The following TENT4A variants were observed in gnomAD, a reference collection of about 807,000 sequenced individuals.
TENT4A encodes DNA polymerase kappa.
A neutral mutation model predicts 72.8 loss-of-function variants in TENT4A; 7 were observed. The ratio of observed to expected loss-of-function variants is 0.10; its 90% CI spans 0.05 to 0.18. The LOEUF (loss-of-function observed/expected upper bound fraction) is 0.18. TENT4A is among the 10% of genes least tolerant of loss of function. TENT4A has a pLI of 1.00. For missense variants in TENT4A, 831 were observed against 1,017.7 expected (o/e 0.82, Z 2.50); for synonymous variants, 456 against 434.3 (o/e 1.05, Z -0.62).
intron 1 of TENT4A, among the ~76,000 whole-genome samples, chr5:6,729,869 G>A (rs1285385847): frequency 6.6e-6 from 1 of 152,132 alleles, no homozygotes; most frequent in Non-Finnish European, 1.5e-5. Flanking sequence ...GGGTGGTTCT[G>A]AGTAGTTCTG....
chr5:6,735,687 G>T (rs1418532030), intron 1 of TENT4A, among the ~76,000 whole-genome samples: 1 of 151,898 alleles, frequency 6.6e-6, no homozygotes, highest in Non-Finnish European at 1.5e-5. Flanking sequence ...ATATTTTAAT[G>T]TTGGGCTCTG....
intron 12 of TENT4A, 69 bp downstream of exon 12, chr5:6,753,106 T>C (rs1366970548): frequency 5.6e-6 from 8 of 1,422,318 alleles, no homozygotes; most frequent in Non-Finnish European, 7.7e-6. Context: ...GCTAAATGTT[T>C]TCTCCTCCAG....
At position 6,754,949 on chromosome 5, in the gene TENT4A, C is replaced by T. The variant is rs1579507742; in HGVS notation, c.*4C>T. On this transcript the variant is annotated 3_prime_UTR_variant, in exon 13 of 13. Transcript: ENST00000230859. ...GCCCGTGAGCCTCAGCAGATAATGG[C>T]TCCTGGCTGCGTCAGCCTCCCCCAC... is the stretch of plus-strand genomic sequence containing the variant. 1 of 1,569,404 alleles carries T rather than the reference C, an allele frequency of 6.4e-7. No individual in the cohort carries two copies.
chr5:6,725,684 T>C (rs932210482), intron 1 of TENT4A, among the ~76,000 whole-genome samples: 1 of 152,200 alleles, frequency 6.6e-6, no homozygotes, highest in Non-Finnish European at 1.5e-5. Context: ...GATCCGTGGT[T>C]TGTTTTTTAA....
chr5:6,740,517 A>G (rs1014238468), intron 4 of TENT4A, among the ~76,000 whole-genome samples: 1 of 152,100 alleles, frequency 6.6e-6, no homozygotes, highest in Non-Finnish European at 1.5e-5. Context: ...TCACATCCTT[A>G]TAGTGTTTAG....
intron 1 of TENT4A, among the ~76,000 whole-genome samples, chr5:6,723,745 G>A (rs1740772254): frequency 6.6e-6 from 1 of 152,178 alleles, no homozygotes; most frequent in African/African-American, 2.4e-5. Flanking sequence ...TGCTTTGACA[G>A]CCACCGCAGG....
At chr5:6,750,837 C>G (rs749556669) in intron 10 of TENT4A, 15 of 579,510 alleles carry the variant, frequency 2.6e-5, no homozygotes, top group Non-Finnish European at 4.6e-5. Flanking sequence ...TCTGTATTTC[C>G]TTTAACATTC....
intron 4 of TENT4A, among the ~76,000 whole-genome samples, chr5:6,740,676 C>T (rs1741752855): frequency 1.3e-5 from 2 of 152,158 alleles, no homozygotes; most frequent in African/African-American, 4.8e-5. Flanking sequence ...GCACATGTAC[C>T]AGGTGCACCT....
intron 1 of TENT4A, among the ~76,000 whole-genome samples, chr5:6,722,545 TAG>T (rs1561026802): frequency 8.0e-6 from 1 of 125,740 alleles, no homozygotes; most frequent in Admixed American, 8.7e-5. Context: ...TTGCATTTGT[TAG>T]TTTTTTTTTT....
In TENT4A at chr5:6,714,694, C is replaced by T; in HGVS notation, c.711C>T (p.Ile237=). 5.9e-6 allele frequency: 7 copies of T among 1,191,574 alleles called. No homozygotes were observed. Among genetic ancestry groups the T allele is most frequent in the Non-Finnish European group, 7.3e-6 (7 of 961,634 alleles). The allele number at this position is 1,191,574 out of a possible 1,614,324, so 73.8% of individuals were successfully genotyped here. The change falls in exon 1 of 13, where the codon ATC becomes ATT. Residue 237 remains isoleucine (I), a synonymous_variant. Coordinates refer to ENST00000230859, the MANE Select transcript of TENT4A (RefSeq NM_006999.6). ...AGAGCCGCGCGTACAGCCCGGGCATCCAGGGGTGAGTGCGCGGGGAGGCCG... is the reference window on the plus strand; with the variant it reads ...AGAGCCGCGCGTACAGCCCGGGCATTCAGGGGTGAGTGCGCGGGGAGGCCG... ...PWKSRAYSPG[I]QGLHEEIIDF... is the part of the protein sequence containing the mutation.
chr5:6,737,592 C>T lies in TENT4A; in HGVS notation c.799C>T (p.Arg267Trp). 1.2e-6 allele frequency: 2 copies of T among 1,614,136 alleles called. No individual in the cohort carries two copies. Among genetic ancestry groups the T allele is most frequent in the Non-Finnish European group, 1.7e-6 (2 of 1,180,000 alleles). Reference sequence around the variant, plus strand: ...AGCTATGAGAAGAGAGGTGGTGAAACGGATCGAAACTGTGGTGAAAGACCT... The same window carrying T: ...AGCTATGAGAAGAGAGGTGGTGAAATGGATCGAAACTGTGGTGAAAGACCT... ...EAAMRREVVK[R>W]IETVVKDLWP... Residue 267 changes from arginine (R) to tryptophan (W), a missense_variant, in exon 2 of 13, where the codon CGG (arginine) becomes TGG (tryptophan). By Grantham distance (101) the Arg-to-Trp change is moderately radical (BLOSUM62 -3). Transcript: ENST00000230859.
intron 6 of TENT4A, among the ~76,000 whole-genome samples, chr5:6,744,433 A>G (rs1741973641): frequency 6.6e-6 from 1 of 152,236 alleles, no homozygotes; most frequent in East Asian, 1.9e-4. Flanking sequence ...TGGAACAGTA[A>G]TTATTCCGTT....
chr5:6,715,555 TA>T (rs992072067), intron 1 of TENT4A, among the ~76,000 whole-genome samples: 1 of 152,228 alleles, frequency 6.6e-6, no homozygotes, highest in African/African-American at 2.4e-5. Flanking sequence ...TTTTAAGACT[TA>T]AATGATAATT....
At chr5:6,716,912 T>A (rs1340288554) in intron 1 of TENT4A, among the ~76,000 whole-genome samples, 4 of 152,224 alleles carry the variant, frequency 2.6e-5, no homozygotes, top group Non-Finnish European at 5.9e-5. Flanking sequence ...CAGTATGGCC[T>A]TGGGTGCATC....
At position 6,714,240 on chromosome 5, in the gene TENT4A, C is replaced by G; in HGVS notation, c.257C>G (p.Pro86Arg). The stretch of plus-strand genomic sequence containing the variant: ...CCCACCGCGCCCGCCGCGCTGCCCC[C>G]CGCGCTGCTGACGGCGCTGGGGCCC... ...PGPTAPAALP[P>R]ALLTALGPAA... The change falls in exon 1 of 13, where the codon CCC becomes CGC. Residue 86 changes from proline to arginine, a missense_variant. Physicochemically the swap from Pro to Arg is moderately radical, Grantham distance 103 (BLOSUM62 -2). Around this residue, in one of 3 missense-constraint regions of TENT4A, gnomAD observed 302 missense variants for 293.8 expected, o/e 1.03. Coordinates refer to ENST00000230859, the MANE Select transcript of TENT4A (RefSeq NM_006999.6). 9.8e-7 allele frequency: 1 copy of G among 1,015,302 alleles called. No individual in the cohort carries two copies. The highest frequency in any genetic ancestry group is 1.2e-6 in the Non-Finnish European group (1 of 851,788). The allele number at this position is 1,015,302 out of a possible 1,614,324, so 62.9% of individuals were successfully genotyped here.
At position 6,755,454 on chromosome 5, in the gene TENT4A, A is replaced by G. The variant is rs959239828; in HGVS notation, c.*509A>G. 6.5e-6 allele frequency: 1 copy of G among 152,788 alleles called. No individual in the cohort carries two copies. The highest frequency in any genetic ancestry group is 6.5e-5 in the Admixed American group (1 of 15,282). The allele number at this position is 152,788 out of a possible 1,614,324, so 9.5% of individuals were successfully genotyped here. On this transcript the variant is annotated 3_prime_UTR_variant, in exon 13 of 13. Transcript: ENST00000230859. ...AAACTTATGATTTGTGCAATAACTC[A>G]GATATTTTTTATTTAATTTCCTATT...
intron 1 of TENT4A, among the ~76,000 whole-genome samples, chr5:6,721,343 A>C (rs1365984058): frequency 2.0e-5 from 3 of 152,366 alleles, no homozygotes; most frequent in African/African-American, 7.2e-5. Context: ...GTTGCAGTTT[A>C]TCTGCTTTCC....
At chr5:6,738,366 C>G (rs1176382956) in intron 2 of TENT4A, among the ~76,000 whole-genome samples, 1 of 152,186 alleles carries the variant, frequency 6.6e-6, no homozygotes, top group Non-Finnish European at 1.5e-5. Context: ...GCCCCAGTGC[C>G]TTAGCTGTGG....
intron 1 of TENT4A, among the ~76,000 whole-genome samples, chr5:6,734,584 ATTCTG>A (rs371991435): frequency 7.9e-5 from 12 of 152,368 alleles, no homozygotes; most frequent in African/African-American, 2.9e-4. Flanking sequence ...TTTCCATTCT[ATTCTG>A]AGAAGGCAAA....
Sources: gnomAD v4.1 joint callset for allele counts (sites outside exome capture counted in the v4.1 genomes callset) on GRCh38, gnomAD v4.1.1 for gene constraint, gnomAD v4.1.1 regional missense constraint, MANE v1.5 for transcripts, NCBI Gene and HGNC (gene_info 2026-07-23, HGNC 2026-07-21) for gene names.